Variants in TMPRSS15 observed in about 807,000 individuals in gnomAD.
TMPRSS15 encodes enteropeptidase.
Under a neutral mutation model 125.3 loss-of-function variants are expected in TMPRSS15, and 128 were observed. That is an observed-to-expected ratio of 1.02 (90% CI 0.89 to 1.18). The LOEUF (loss-of-function observed/expected upper bound fraction) is 1.18. Ranked by LOEUF, TMPRSS15 falls within the 50% of genes most tolerant of loss-of-function variation. TMPRSS15 has a pLI of 0.00. For synonymous variants in TMPRSS15, 446 were observed against 423.2 expected (o/e 1.05, Z -0.66); for missense variants, 1,283 against 1,212.7 (o/e 1.06, Z -0.86).
chr21:18,278,954 GA>G lies in TMPRSS15; in HGVS notation c.2764+9del. On this transcript the variant is annotated intron_variant, in intron 23 of 24. Transcript: ENST00000284885. ...TTTTTTTTTTTTTTTTTTTGAGTCT[GA>G]TAATTTACCTTGATATACAACCGTC... 1 of 424,834 alleles carries G rather than the reference GA, an allele frequency of 2.4e-6. No homozygotes were observed. The highest frequency in any genetic ancestry group is 4.0e-6 in the Non-Finnish European group (1 of 248,414). 26.3% of individuals were successfully genotyped at this position (424,834 alleles called of 1,614,324 possible).
Position 18,437,883 on chromosome 21 carries a change from G to T in TMPRSS15, c.11-39554C>A, listed in dbSNP as rs2076231452. Among the ~76,000 whole-genome samples, 3 of 152,008 alleles carry T rather than the reference G, an allele frequency of 2.0e-5. No homozygotes were observed. In the South Asian group the frequency reaches 6.2e-4, roughly 32 times the overall value. On this transcript the variant is annotated intron_variant, in intron 1 of 7. Coordinates refer to the TMPRSS15 transcript ENST00000422787. ...ACACTTTTACACTGTTGGTGGGACT[G>T]TAAACTAGTTCAACCATTATGGAAG...
At chr21:18,368,361 C>T (rs978204878) in intron 6 of TMPRSS15, among the ~76,000 whole-genome samples, 5 of 152,192 alleles carry the variant, frequency 3.3e-5, no homozygotes, top group Non-Finnish European at 5.9e-5. Flanking sequence ...ACTACACTTC[C>T]CCAAATCCCT....
chr21:18,306,373 T>C (rs1321589811), intron 18 of TMPRSS15, among the ~76,000 whole-genome samples: 1 of 152,204 alleles, frequency 6.6e-6, no homozygotes, highest in Non-Finnish European at 1.5e-5. Flanking sequence ...TTTAAATGAT[T>C]ATGCTCTATG....
At chr21:18,318,401 C>T (rs1348551956) in intron 16 of TMPRSS15, among the ~76,000 whole-genome samples, 1 of 151,920 alleles carries the variant, frequency 6.6e-6, no homozygotes, top group Non-Finnish European at 1.5e-5. Flanking sequence ...ATGAAAACTA[C>T]AATGGTAAAA....
At chr21:18,316,890 A>G (rs182341590) in intron 16 of TMPRSS15, among the ~76,000 whole-genome samples, 6 of 151,960 alleles carry the variant, frequency 3.9e-5, no homozygotes, top group African/African-American at 1.4e-4. Flanking sequence ...GAGAGTAGGA[A>G]CTCCATGAGG....
chr21:18,349,462 T>C (rs9305863), intron 10 of TMPRSS15, among the ~76,000 whole-genome samples: 4,207 of 152,290 alleles, frequency 0.028, 196 homozygotes, highest in African/African-American at 0.095. Flanking sequence ...GTTTATCTGT[T>C]TCATTTAGTC....
In TMPRSS15 at chr21:18,353,744, A is replaced by T. The variant is rs768369419; in HGVS notation, c.1000T>A (p.Phe334Ile). 6.2e-7 allele frequency: 1 copy of T among 1,611,312 alleles called. No homozygotes were observed. Among genetic ancestry groups the T allele is most frequent in the Non-Finnish European group, 8.5e-7 (1 of 1,178,206 alleles). Residue 334 changes from phenylalanine to isoleucine, a missense_variant, in exon 9 of 25, where the codon TTT becomes ATT. Coordinates refer to ENST00000284885, the MANE Select transcript of TMPRSS15 (RefSeq NM_002772.3). ...TTACTATTAAGCTCACTGCTGTTAAATGCAGTATATGTTGCATTAAAGCCA... is the reference window on the plus strand; with the variant it reads ...TTACTATTAAGCTCACTGCTGTTAATTGCAGTATATGTTGCATTAAAGCCA... ...YVGFNATYTA[F>I]NSSELNNYEK...
chr21:18,339,844 A>G (rs1289128632), intron 13 of TMPRSS15, among the ~76,000 whole-genome samples: 3 of 152,284 alleles, frequency 2.0e-5, no homozygotes, highest in East Asian at 3.9e-4. Flanking sequence ...CTTCTTTGAC[A>G]TGGATAATTT....
At chr21:18,419,360 G>T (rs959511287) in intron 1 of TMPRSS15, among the ~76,000 whole-genome samples, 2 of 151,622 alleles carry the variant, frequency 1.3e-5, no homozygotes, top group African/African-American at 4.8e-5. Flanking sequence ...TGAGTAGCTG[G>T]GACTACAGGC....
At chr21:18,451,729 C>T (rs1978342475) in intron 1 of TMPRSS15, among the ~76,000 whole-genome samples, 1 of 152,160 alleles carries the variant, frequency 6.6e-6, no homozygotes, top group Admixed American at 6.5e-5. Context: ...CTCTCTTCTA[C>T]TCTGTTTTCT....
At chr21:18,296,827 T>C (rs998257664) in intron 19 of TMPRSS15, among the ~76,000 whole-genome samples, 2 of 152,208 alleles carry the variant, frequency 1.3e-5, no homozygotes, top group Admixed American at 6.5e-5. Flanking sequence ...CCAGCAAACA[T>C]TGATATAAAA....
intron 1 of TMPRSS15, among the ~76,000 whole-genome samples, chr21:18,403,277 T>C (rs1472839558): frequency 6.6e-6 from 1 of 152,224 alleles, no homozygotes; most frequent in Non-Finnish European, 1.5e-5. Flanking sequence ...ATTTTCCTAA[T>C]ATTCTCTGAA....
intron 21 of TMPRSS15, among the ~76,000 whole-genome samples, chr21:18,291,030 G>A (rs903339335): frequency 1.4e-4 from 21 of 152,302 alleles, no homozygotes; most frequent in Non-Finnish European, 2.4e-4. Context: ...AAGACTTGGC[G>A]TCTTCTTTCA....
In TMPRSS15 at chr21:18,365,649, C is replaced by CCTTCCTTCCTTCCTTCCTTCCTTCCTT. The variant is rs1555904783; in HGVS notation, c.665-402_665-401insAAGGAAGGAAGGAAGGAAGGAAGGAAG. ...CTTTCTCTTTCTCTCTCTTTTTCCT[C>CCTTCCTTCCTTCCTTCCTTCCTTCCTT]CCTTCCTTCCTTCCTTCCTTCCTTC... On this transcript the variant is annotated intron_variant, in intron 6 of 24. Transcript: ENST00000284885. Among the ~76,000 whole-genome samples, 87 of 65,856 alleles carry CCTTCCTTCCTTCCTTCCTTCCTTCCTT rather than the reference C, an allele frequency of 1.3e-3. 8 individuals are homozygous for CCTTCCTTCCTTCCTTCCTTCCTTCCTT. The highest frequency in any genetic ancestry group is 2.5e-3 in the Admixed American group (14 of 5,630). 43.2% of individuals were successfully genotyped at this position (65,856 alleles called of 152,430 possible).
intron 18 of TMPRSS15, among the ~76,000 whole-genome samples, chr21:18,304,258 GAT>G (rs1322527934): frequency 6.6e-6 from 1 of 152,086 alleles, no homozygotes; most frequent in Non-Finnish European, 1.5e-5. Context: ...AAAGTTGTTT[GAT>G]ATGTGTGTGT....
chr21:18,478,433 GA>G (rs1208686235), intron 1 of TMPRSS15, among the ~76,000 whole-genome samples: 1 of 151,948 alleles, frequency 6.6e-6, no homozygotes, highest in Non-Finnish European at 1.5e-5. Context: ...GGGTAATACA[GA>G]AAGTTCTGTT....
chr21:18,406,633 G>T (rs1362419288), upstream of TMPRSS15, among the ~76,000 whole-genome samples: 1 of 152,068 alleles, frequency 6.6e-6, no homozygotes, highest in Non-Finnish European at 1.5e-5. Flanking sequence ...ACTGACCTTA[G>T]ACATATAAGC....
At chr21:18,350,014 A>G (rs1189440880) in intron 10 of TMPRSS15, among the ~76,000 whole-genome samples, 3 of 152,204 alleles carry the variant, frequency 2.0e-5, no homozygotes, top group Non-Finnish European at 4.4e-5. Context: ...GTCATAGTCA[A>G]TAGATATAAA....
chr21:18,418,561 G>A (rs1484938330), intron 1 of TMPRSS15, among the ~76,000 whole-genome samples: 2 of 152,102 alleles, frequency 1.3e-5, no homozygotes, highest in Non-Finnish European at 2.9e-5. Flanking sequence ...GCTGAAATAG[G>A]GAAAATGTTA....
Sources: allele counts gnomAD v4.1 joint callset (sites outside exome capture counted in the v4.1 genomes callset), GRCh38; gene constraint gnomAD v4.1.1; transcripts MANE v1.5; gene names NCBI Gene and HGNC (gene_info 2026-07-23, HGNC 2026-07-21).